The following SPRED2 variants were observed in gnomAD, a reference collection of about 807,000 sequenced individuals.
The protein encoded by SPRED2 is sprouty-related, EVH1 domain-containing protein 2.
SPRED2 carries 47 observed loss-of-function variants against 43.0 expected under a neutral mutation model. The observed-to-expected ratio is 1.09, with a 90% CI of 0.87 to 1.40. The LOEUF (loss-of-function observed/expected upper bound fraction) is 1.40, where lower values mean the gene tolerates loss of function less well. Ranked by LOEUF, SPRED2 falls within the 40% of genes most tolerant of loss-of-function variation. The probability of loss-of-function intolerance (pLI) is 0.00; values close to 1 mark genes in which losing one functional copy is unlikely to be tolerated. For synonymous variants in SPRED2, 225 were observed against 225.7 expected, an observed-to-expected ratio of 1.00 and a Z score of 0.03; for missense variants, 561 against 586.4, an observed-to-expected ratio of 0.96 and a Z score of 0.45.
At chr2:65,414,427 T>G (rs1157094548) in intron 1 of SPRED2, among the ~76,000 whole-genome samples, 1 of 152,210 alleles carries the variant, frequency 6.6e-6, no homozygotes, top group African/African-American at 2.4e-5. Context: ...GTATAACCTC[T>G]GAAGCTAATA....
At chr2:65,404,590 T>C (rs1052526247) in intron 1 of SPRED2, among the ~76,000 whole-genome samples, 17 of 152,328 alleles carry the variant, frequency 1.1e-4, no homozygotes, top group Middle Eastern at 3.4e-3. Context: ...GCCTCTATTA[T>C]GCCAGGCACT....
chr2:65,429,199 G>A (rs1181498247), intron 1 of SPRED2, among the ~76,000 whole-genome samples: 1 of 152,152 alleles, frequency 6.6e-6, no homozygotes, highest in African/African-American at 2.4e-5. Context: ...CTGATTTACT[G>A]CATTCTGATG....
At chr2:65,351,938 A>G (rs1190096699) in intron 1 of SPRED2, among the ~76,000 whole-genome samples, 2 of 152,242 alleles carry the variant, frequency 1.3e-5, no homozygotes, top group East Asian at 1.9e-4. Context: ...ATGGGCAAGG[A>G]AAGTTAACAT....
intron 1 of SPRED2, among the ~76,000 whole-genome samples, chr2:65,374,364 T>A (rs1305309629): frequency 2.0e-5 from 3 of 152,242 alleles, no homozygotes; most frequent in African/African-American, 7.2e-5. Flanking sequence ...ATCAAGTTCC[T>A]TGTACAAATT....
chr2:65,390,961 G>A (rs1437211628), intron 1 of SPRED2, among the ~76,000 whole-genome samples: 10 of 151,810 alleles, frequency 6.6e-5, no homozygotes, highest in Admixed American at 5.3e-4. Context: ...GGGGGTGCAT[G>A]CCTGTAGTCC....
chr2:65,401,383 C>G (rs981687374), intron 1 of SPRED2, among the ~76,000 whole-genome samples: 1 of 152,186 alleles, frequency 6.6e-6, no homozygotes, highest in African/African-American at 2.4e-5. Context: ...AAGACCCCCC[C>G]AGGTGACTCA....
In SPRED2 at chr2:65,402,825, G is replaced by T. The variant is rs569636301; in HGVS notation, c.26+29137C>A. On this transcript the variant is annotated intron_variant, in intron 1 of 5. Coordinates refer to ENST00000356388, the MANE Select transcript of SPRED2 (RefSeq NM_181784.3). Reference sequence around the variant, plus strand: ...GAAATTTTTAAAATCAATAGGCATGGTACAGACATGCAGAAAATCATAATT... The same window carrying T: ...GAAATTTTTAAAATCAATAGGCATGTTACAGACATGCAGAAAATCATAATT... Among the ~76,000 whole-genome samples, 14 of 152,304 alleles carry T rather than the reference G, an allele frequency of 9.2e-5. No individual in the cohort carries two copies. The South Asian group carries it at 2.9e-3, about 32-fold the overall frequency.
At chr2:65,322,362 C>G (rs1042334383) in intron 4 of SPRED2, among the ~76,000 whole-genome samples, 1 of 141,868 alleles carries the variant, frequency 7.0e-6, no homozygotes, top group African/African-American at 2.6e-5. Context: ...GGCACGATCT[C>G]GGCTCACTGT....
At chr2:65,322,297 T>A (rs1236813302) in intron 4 of SPRED2, among the ~76,000 whole-genome samples, 20 of 125,642 alleles carry the variant, frequency 1.6e-4, no homozygotes, top group South Asian at 1.3e-3. Context: ...TATATATATT[T>A]TTTTTTTTTT....
intron 1 of SPRED2, among the ~76,000 whole-genome samples, chr2:65,358,226 T>C (rs190012548): frequency 4.6e-5 from 7 of 152,324 alleles, no homozygotes; most frequent in African/African-American, 1.7e-4. Flanking sequence ...AACTGGTTTA[T>C]CCAAGTATTT....
At chr2:65,425,463 G>A (rs1365711608) in intron 1 of SPRED2, among the ~76,000 whole-genome samples, 5 of 152,292 alleles carry the variant, frequency 3.3e-5, no homozygotes, top group South Asian at 4.1e-4. Flanking sequence ...TTGATAATAC[G>A]TGTGCAATAT....
Position 65,312,868 on chromosome 2 carries a change from A to G in SPRED2, c.*633T>C. 1 of 985,906 alleles carries G rather than the reference A, an allele frequency of 1.0e-6. No homozygotes were observed. The highest frequency in any genetic ancestry group is 1.2e-6 in the Non-Finnish European group (1 of 829,928). 61.1% of individuals were successfully genotyped at this position (985,906 alleles called of 1,614,324 possible). A position where few individuals can be genotyped will look rare whatever the true frequency, so the allele number is the denominator to read the frequency against. ...GGCAGAAAATGATGATGGGCTAAAG[A>G]TAGAAACTGCAGCTTACATGGGAAA... On this transcript the variant is annotated 3_prime_UTR_variant, in exon 6 of 6. Transcript: ENST00000356388.
chr2:65,327,914 G>T (rs951434820), intron 4 of SPRED2, among the ~76,000 whole-genome samples: 1 of 151,342 alleles, frequency 6.6e-6, no homozygotes, highest in Admixed American at 6.6e-5. Flanking sequence ...AGTAGAGATG[G>T]GGTTTCACCA....
intron 1 of SPRED2, among the ~76,000 whole-genome samples, chr2:65,399,074 C>G (rs7568333): frequency 0.02 from 3,048 of 152,020 alleles, 110 homozygotes; most frequent in African/African-American, 0.07. Flanking sequence ...GTCAGGAGAT[C>G]GAGACCATCC....
chr2:65,372,762 T>C (rs147763643), intron 1 of SPRED2, among the ~76,000 whole-genome samples: 50 of 152,290 alleles, frequency 3.3e-4, no homozygotes, highest in African/African-American at 1.2e-3. Context: ...AATGACCTAT[T>C]CCTTAAGGAG....
intron 1 of SPRED2, among the ~76,000 whole-genome samples, chr2:65,418,456 C>T (rs538384382): frequency 1.1e-4 from 17 of 152,336 alleles, no homozygotes; most frequent in African/African-American, 4.1e-4. Context: ...TCATCCTTTT[C>T]TGAGTCCTCA....
In SPRED2 at chr2:65,432,114, TGAA is replaced by T. The variant is rs1369442346; in HGVS notation, c.-130_-128del. On this transcript the variant is annotated 5_prime_UTR_variant, in exon 1 of 6. Transcript: ENST00000356388. Reference sequence around the variant, plus strand: ...TTTGGGGAGGGGGGGCGGCTAGAGATGAAGAGGGCGCCGCAGCAGAAGGGGAAG... The same window carrying T: ...TTTGGGGAGGGGGGGCGGCTAGAGATGAGGGCGCCGCAGCAGAAGGGGAAG... The T allele has an allele frequency of 4.1e-6, 5 of 1,225,500 alleles. No individual in the cohort carries two copies. The highest frequency in any genetic ancestry group is 5.8e-6 in the Non-Finnish European group (5 of 854,828). The allele number at this position is 1,225,500 out of a possible 1,614,324, so 75.9% of individuals were successfully genotyped here. A position where few individuals can be genotyped will look rare whatever the true frequency, so the allele number is the denominator to read the frequency against.
At chr2:65,315,067 T>C (rs1339627049) in intron 5 of SPRED2, among the ~76,000 whole-genome samples, 3 of 146,582 alleles carry the variant, frequency 2.0e-5, no homozygotes, top group Non-Finnish European at 4.4e-5. Flanking sequence ...CCCTGCCTTG[T>C]CCAGAGCAGC....
chr2:65,352,009 G>C (rs529610831), intron 1 of SPRED2, among the ~76,000 whole-genome samples: 1 of 152,260 alleles, frequency 6.6e-6, no homozygotes, highest in African/African-American at 2.4e-5. Flanking sequence ...CCTGAAGGTA[G>C]AACACTTGCT....
Sources: gnomAD v4.1 joint callset for allele counts (sites outside exome capture counted in the v4.1 genomes callset) on GRCh38, gnomAD v4.1.1 for gene constraint, MANE v1.5 for transcripts, NCBI Gene and HGNC (gene_info 2026-07-23, HGNC 2026-07-21) for gene names.